The following KAZN variants were observed in gnomAD, a reference collection of about 807,000 sequenced individuals.
KAZN encodes the protein kazrin.
In KAZN, 40 loss-of-function variants were observed where a neutral mutation model predicts 87.4. That is an observed-to-expected ratio of 0.46 (90% CI 0.36 to 0.60). The LOEUF (loss-of-function observed/expected upper bound fraction) is 0.60. Ranked by LOEUF, KAZN falls within the 20% of genes least tolerant of loss-of-function variation. The pLI, the probability that KAZN is intolerant of heterozygous loss-of-function variation, is 0.00. For synonymous variants in KAZN, 466 were observed against 458.3 expected (o/e 1.02, Z -0.22); for missense variants, 898 against 1,073.9 (o/e 0.84, Z 2.29).
intron 2 of KAZN, among the ~76,000 whole-genome samples, chr1:14,291,864 T>C (rs983288739): frequency 6.6e-6 from 1 of 152,218 alleles, no homozygotes; most frequent in Non-Finnish European, 1.5e-5. Context: ...TTTCCCCCTG[T>C]GCTTGGCAGT....
chr1:13,923,701 G>T (rs958450742), intron 1 of KAZN, among the ~76,000 whole-genome samples: 2 of 151,896 alleles, frequency 1.3e-5, no homozygotes, highest in Non-Finnish European at 2.9e-5. Context: ...GGTTGGTCTC[G>T]CTGTCTTAGG....
intron 3 of KAZN, among the ~76,000 whole-genome samples, chr1:15,040,560 G>A (rs1672783156): frequency 6.6e-6 from 1 of 152,158 alleles, no homozygotes; most frequent in African/African-American, 2.4e-5. Context: ...GAGGTCAGGA[G>A]TCCAACACCA....
chr1:14,948,535 T>C (rs770152760), intron 1 of KAZN, among the ~76,000 whole-genome samples: 29 of 152,172 alleles, frequency 1.9e-4, no homozygotes, highest in Non-Finnish European at 5.9e-5. Context: ...GACTGGGTCA[T>C]ATTTTCATCC....
rs140702013 is a variant in KAZN, at chr1:14,728,178, C to T, written c.226+128955C>T. 2.4e-4 allele frequency among the ~76,000 whole-genome samples: 36 copies of T among 149,334 alleles called. 3 individuals are homozygous for T. In the East Asian group the frequency reaches 7.1e-3, roughly 30 times the overall value. ...GCGTGCACCTGTAATCCCAGCTACT[C>T]GGGAGGCTGAGGCAGGAGAATCGCT... On this transcript the variant is annotated intron_variant, in intron 1 of 14. Coordinates refer to ENST00000376030, the MANE Select transcript of KAZN (RefSeq NM_201628.3).
At position 14,643,529 on chromosome 1, in the gene KAZN, T is replaced by C. The variant is rs570880211; in HGVS notation, c.226+44306T>C. Among the ~76,000 whole-genome samples the C allele has an allele frequency of 5.3e-5, 8 of 152,362 alleles. No homozygotes were observed. The South Asian group carries it at 1.4e-3, about 28-fold the overall frequency. ...TTTTTTATGGCTGCATAGTATTCCA[T>C]GATGTTTATGTACCACATTTTCTTT... On this transcript the variant is annotated intron_variant, in intron 1 of 14. Coordinates refer to ENST00000376030, the MANE Select transcript of KAZN (RefSeq NM_201628.3).
intron 1 of KAZN, among the ~76,000 whole-genome samples, chr1:14,808,391 G>A (rs1410858101): frequency 1.4e-5 from 2 of 144,940 alleles, no homozygotes; most frequent in Admixed American, 7.1e-5. Flanking sequence ...CTGCCTCCCG[G>A]GTTCAAGCAA....
intron 2 of KAZN, among the ~76,000 whole-genome samples, chr1:14,399,181 A>ATT (rs1557690963): frequency 6.6e-6 from 1 of 151,512 alleles, no homozygotes; most frequent in East Asian, 2.0e-4. Flanking sequence ...TTATTTATTT[A>ATT]TATTTATTTA....
At chr1:15,063,936 C>T (rs1478363434) in intron 7 of KAZN, among the ~76,000 whole-genome samples, 1 of 152,226 alleles carries the variant, frequency 6.6e-6, no homozygotes, top group African/African-American at 2.4e-5. Context: ...TGGGCTGGGG[C>T]CTGAGCCAGT....
chr1:14,379,809 G>A (rs1401944831), intron 2 of KAZN, among the ~76,000 whole-genome samples: 6 of 152,176 alleles, frequency 3.9e-5, no homozygotes, highest in Non-Finnish European at 8.8e-5. Context: ...CCTAGTGCCT[G>A]GGGGAGCTTG....
At chr1:14,860,739 G>A (rs990289414) in intron 1 of KAZN, among the ~76,000 whole-genome samples, 17 of 152,248 alleles carry the variant, frequency 1.1e-4, no homozygotes, top group African/African-American at 3.9e-4. Context: ...TTCAACACAC[G>A]CATATGCTGA....
At chr1:14,101,709 C>T (rs1215522062) in intron 1 of KAZN, among the ~76,000 whole-genome samples, 2 of 152,178 alleles carry the variant, frequency 1.3e-5, no homozygotes, top group Admixed American at 6.5e-5. Flanking sequence ...TTAATATTTA[C>T]ATAAACCCAA....
intron 1 of KAZN, among the ~76,000 whole-genome samples, chr1:14,855,425 C>T (rs932694444): frequency 1.3e-5 from 2 of 152,180 alleles, no homozygotes; most frequent in Admixed American, 6.5e-5. Flanking sequence ...ACCCCACCAA[C>T]ACACATCTGA....
rs547127513 is a variant in KAZN at position 13,992,327 on chromosome 1, A to G, written c.91+98571A>G. Among the ~76,000 whole-genome samples the G allele has an allele frequency of 3.3e-5, 5 of 152,220 alleles. No individual in the cohort carries two copies. In the East Asian group the frequency reaches 9.7e-4, roughly 29 times the overall value. On this transcript the variant is annotated intron_variant, in intron 1 of 16. Transcript: ENST00000636203. ...TCTTGCTCACCAAAATTATTGTGTG[A>G]ATGGCTTCCCAAGTCATCTCTTCCA...
Position 14,046,900 on chromosome 1 carries a change from A to G in KAZN, c.92-133535A>G, listed in dbSNP as rs1438779481. ...ACATTTTGGCAGAATTTTCATCCCT[A>G]TCAGGGAGGGACAATCGGAAGGCAA... On this transcript the variant is annotated intron_variant, in intron 1 of 16. Transcript: ENST00000636203. Among the ~76,000 whole-genome samples the G allele has an allele frequency of 2.0e-5, 3 of 152,226 alleles. No homozygotes were observed. In the East Asian group the frequency reaches 5.8e-4, roughly 29 times the overall value.
At chr1:14,842,998 C>T (rs1572627968) in intron 1 of KAZN, among the ~76,000 whole-genome samples, 2 of 152,212 alleles carry the variant, frequency 1.3e-5, no homozygotes, top group Middle Eastern at 6.8e-3. Flanking sequence ...TAGACATTAT[C>T]TCTTGATGTT....
intron 2 of KAZN, among the ~76,000 whole-genome samples, chr1:14,502,449 C>T (rs530498400): frequency 1.1e-4 from 16 of 152,258 alleles, no homozygotes; most frequent in African/African-American, 3.9e-4. Context: ...ATTAAATTCT[C>T]AATTTCTGGG....
intron 2 of KAZN, among the ~76,000 whole-genome samples, chr1:14,265,897 T>G (rs565856496): frequency 3.1e-4 from 47 of 152,190 alleles, no homozygotes; most frequent in Non-Finnish European, 5.0e-4. Flanking sequence ...GTAACTAACC[T>G]TACAAGATTC....
intron 2 of KAZN, among the ~76,000 whole-genome samples, chr1:14,413,469 A>G (rs1360121714): frequency 1.3e-5 from 2 of 151,862 alleles, no homozygotes; most frequent in South Asian, 4.2e-4. Context: ...GGGTGCCTGT[A>G]GTCCCAGTTA....
At chr1:14,312,598 A>AAT (rs1364065310) in intron 2 of KAZN, among the ~76,000 whole-genome samples, 1 of 152,108 alleles carries the variant, frequency 6.6e-6, no homozygotes. Flanking sequence ...ATTGAAGTAT[A>AAT]ATATATAGAA....
Sources: allele counts gnomAD v4.1 joint callset (sites outside exome capture counted in the v4.1 genomes callset), GRCh38; gene constraint gnomAD v4.1.1; transcripts MANE v1.5; gene names NCBI Gene and HGNC (gene_info 2026-07-23, HGNC 2026-07-21).